The following ATIC variants were observed in gnomAD, a reference collection of about 807,000 sequenced individuals.
ATIC encodes the protein 5-aminoimidazole-4-carboxamide ribonucleotide formyltransferase/IMP cyclohydrolase.
A neutral mutation model predicts 72.5 loss-of-function variants in ATIC; 64 were observed. That is an observed-to-expected ratio of 0.88 (90% CI 0.72 to 1.09). The LOEUF is 1.09. ATIC is among the 50% of genes least tolerant of loss of function. The probability of loss-of-function intolerance (pLI) is 0.00; values close to 1 mark genes in which losing one functional copy is unlikely to be tolerated. For synonymous variants in ATIC, 281 were observed against 267.1 expected (o/e 1.05, Z -0.51); for missense variants, 787 against 732.4 (o/e 1.07, Z -0.86).
At chr2:215,331,167 A>G (rs1462558369) in intron 7 of ATIC, among the ~76,000 whole-genome samples, 1 of 151,938 alleles carries the variant, frequency 6.6e-6, no homozygotes, top group Non-Finnish European at 1.5e-5. Context: ...TATACTATTT[A>G]TTGCCTATTT....
rs778371592 is a variant in ATIC, at chr2:215,338,910, A to C, written c.1227+3A>C. On this transcript the variant is annotated splice_donor_region_variant and intron_variant, in intron 12 of 15. Transcript: ENST00000236959. ...ATGTTGTTACCAAAAATAAAGATGT[A>C]AGTTGGGAAGTATCTGAACTGACTG... is the stretch of plus-strand genomic sequence containing the variant. 1 of 1,612,990 alleles carries C rather than the reference A, an allele frequency of 6.2e-7. No individual in the cohort carries two copies.
the ATIC span, among the ~76,000 whole-genome samples, chr2:215,358,907 AAGTCTC>A: frequency 2.6e-5 from 4 of 152,194 alleles, no homozygotes; most frequent in African/African-American, 4.8e-5. Context: ...TTTTGAGACG[AAGTCTC>A]ACTCTGTCGC....
At chr2:215,338,104 C>T (rs1320882614) in intron 11 of ATIC, among the ~76,000 whole-genome samples, 2 of 152,134 alleles carry the variant, frequency 1.3e-5, no homozygotes, top group African/African-American at 4.8e-5. Context: ...AATCAAAGAT[C>T]ATCCAAAGCA....
At position 215,319,649 on chromosome 2, in the gene ATIC, A is replaced by C; in HGVS notation, c.224-16A>C. 6.3e-7 allele frequency: 1 copy of C among 1,589,484 alleles called. No homozygotes were observed. The highest frequency in any genetic ancestry group is 8.6e-7 in the Non-Finnish European group (1 of 1,157,604). ...TTTTTTGAAGCTAATGACTTTGTTT[A>C]ACTTTTTTAAATTAGGAATCCTAGC... On this transcript the variant is annotated splice_polypyrimidine_tract_variant and intron_variant, in intron 3 of 15. Transcript: ENST00000236959.
chr2:215,339,878 T>C (rs143829423), intron 12 of ATIC, among the ~76,000 whole-genome samples: 2 of 152,264 alleles, frequency 1.3e-5, no homozygotes, highest in African/African-American at 4.8e-5. Flanking sequence ...CCTCGTGATC[T>C]GCCCACCTCA....
the ATIC span, chr2:215,365,422 C>A: frequency 6.9e-7 from 1 of 1,452,026 alleles, no homozygotes; most frequent in South Asian, 1.1e-5. Flanking sequence ...AGTCTCCAAT[C>A]ATTTCTGTGA....
the ATIC span, among the ~76,000 whole-genome samples, chr2:215,367,025 A>C: frequency 3.9e-5 from 6 of 152,314 alleles, no homozygotes; most frequent in Admixed American, 3.9e-4. Flanking sequence ...AGTTAAGTAA[A>C]ATACTTTGAA....
intron 12 of ATIC, among the ~76,000 whole-genome samples, chr2:215,340,271 G>A (rs570089308): frequency 2.6e-5 from 4 of 152,216 alleles, no homozygotes; most frequent in East Asian, 3.9e-4. Context: ...GACTACCATC[G>A]TGTCAATTGT....
chr2:215,320,782 T>C (rs1328472407), intron 4 of ATIC, among the ~76,000 whole-genome samples: 1 of 152,098 alleles, frequency 6.6e-6, no homozygotes, highest in Non-Finnish European at 1.5e-5. Context: ...GGTTTCACCA[T>C]GTTGGTCAGG....
intron 6 of ATIC, 104 bp from the exon 7 acceptor site, chr2:215,326,718 C>T (rs987588749): frequency 3.6e-6 from 5 of 1,386,442 alleles, no homozygotes; most frequent in Admixed American, 1.7e-5. Flanking sequence ...CACCACATAG[C>T]ACTGAATAGT....
chr2:215,347,471 G>T, intron 14 of ATIC: 1 of 412,182 alleles, frequency 2.4e-6, no homozygotes, highest in Admixed American at 3.2e-5. Flanking sequence ...GCAAACGTTA[G>T]GTAGGTAGCC....
At chr2:215,315,482 G>A (rs2052698696) in intron 2 of ATIC, among the ~76,000 whole-genome samples, 1 of 152,016 alleles carries the variant, frequency 6.6e-6, no homozygotes, top group Non-Finnish European at 1.5e-5. Context: ...TCAGCCTCCT[G>A]AGTATCTGGG....
At position 215,317,716 on chromosome 2, in the gene ATIC, C is replaced by G. The variant is rs188074472; in HGVS notation, c.147-441C>G. On this transcript the variant is annotated intron_variant, in intron 2 of 15. Coordinates refer to ENST00000236959, the MANE Select transcript of ATIC (RefSeq NM_004044.7). ...GTTGGCCAGGCTGGTCTCAAACTCC[C>G]CTCCTCAGGTGATCCACCTGCCTCA... 3.9e-3 allele frequency among the ~76,000 whole-genome samples: 593 copies of G among 152,132 alleles called. 5 individuals are homozygous for G. The highest frequency in any genetic ancestry group is 0.013 in the African/African-American group (539 of 41,502).
At chr2:215,338,079 T>C (rs1305323619) in intron 11 of ATIC, among the ~76,000 whole-genome samples, 1 of 152,224 alleles carries the variant, frequency 6.6e-6, no homozygotes, top group Non-Finnish European at 1.5e-5. Flanking sequence ...ATAAATTATA[T>C]GTCAGGGCTT....
chr2:215,335,661 A>G (rs1415269755), intron 10 of ATIC, among the ~76,000 whole-genome samples: 1 of 152,170 alleles, frequency 6.6e-6, no homozygotes, highest in Admixed American at 6.5e-5. Context: ...TGTTAAGGAA[A>G]ACGCCTTGCC....
At chr2:215,348,940 G>A (rs2053100082) in intron 14 of ATIC, 154 bp from the exon 15 acceptor site, 12 of 561,600 alleles carry the variant, frequency 2.1e-5, no homozygotes, top group Admixed American at 8.0e-5. Flanking sequence ...CCTGGTGATA[G>A]TGCAAAACTC....
chr2:215,334,709 A>T (rs1420398735), intron 9 of ATIC, among the ~76,000 whole-genome samples: 1 of 152,150 alleles, frequency 6.6e-6, no homozygotes, highest in Non-Finnish European at 1.5e-5. Context: ...TCACAGAAAA[A>T]GTTTTCTGAG....
chr2:215,353,694 T>G (rs2053147222), downstream of ATIC, among the ~76,000 whole-genome samples: 1 of 152,064 alleles, frequency 6.6e-6, no homozygotes, highest in Non-Finnish European at 1.5e-5. Flanking sequence ...CTTGAGTAGC[T>G]GGGATTATAG....
At chr2:215,341,782 A>G (rs763266485) in intron 12 of ATIC, among the ~76,000 whole-genome samples, 7 of 152,116 alleles carry the variant, frequency 4.6e-5, no homozygotes, top group African/African-American at 7.2e-5. Context: ...GTCCACTGGC[A>G]TTTCTCGTAT....
Sources: gnomAD v4.1 joint callset for allele counts (sites outside exome capture counted in the v4.1 genomes callset) on GRCh38, gnomAD v4.1.1 for gene constraint, MANE v1.5 for transcripts, NCBI Gene and HGNC (gene_info 2026-07-23, HGNC 2026-07-21) for gene names.